The following SPTAN1 variants were observed in gnomAD, a reference collection of about 807,000 sequenced individuals.
SPTAN1 encodes spectrin alpha, non-erythrocytic 1.
A neutral mutation model predicts 331.3 loss-of-function variants in SPTAN1; 61 were observed. The observed-to-expected ratio is 0.18, with a 90% CI of 0.15 to 0.23. The LOEUF is 0.23. SPTAN1 is among the 10% of genes least tolerant of loss of function. The pLI is 1.00. For missense variants in SPTAN1, 2,043 were observed against 3,147.9 expected (o/e 0.65, Z 8.40); for synonymous variants, 1,153 against 1,173.9 (o/e 0.98, Z 0.36).
Position 128,594,263 on chromosome 9 carries a change from G to A in SPTAN1, c.3304G>A (p.Glu1102Lys). ...KKFMLFREAN[E>K]LQQWINEKEA... is the part of the protein sequence containing the mutation. ...GTTTATGTTGTTCCGTGAAGCGAATGAACTACAGCAATGGATCAATGAGAA... is the reference window on the plus strand; with the variant it reads ...GTTTATGTTGTTCCGTGAAGCGAATAAACTACAGCAATGGATCAATGAGAA... Residue 1102 changes from glutamate to lysine, a missense_variant, in exon 24 of 57, where the codon GAA (glutamate) becomes AAA (lysine). This residue lies in a region of SPTAN1 where 1,038 missense variants were observed against 1,531.5 expected (regional missense o/e 0.68). Coordinates refer to ENST00000372739, the MANE Select transcript of SPTAN1 (RefSeq NM_001130438.3). The A allele has an allele frequency of 6.2e-7, 1 of 1,614,088 alleles. No individual in the cohort carries two copies. Among genetic ancestry groups the A allele is most frequent in the Non-Finnish European group, 8.5e-7 (1 of 1,180,026 alleles).
chr9:128,602,512 C>T (rs1241657495), intron 27 of SPTAN1, among the ~76,000 whole-genome samples: 1 of 147,056 alleles, frequency 6.8e-6, no homozygotes, highest in African/African-American at 2.5e-5. Context: ...CCATCATGCC[C>T]TTCCTCTTGT....
chr9:128,553,697 G>A (rs1848365879), intron 1 of SPTAN1, among the ~76,000 whole-genome samples: 1 of 152,218 alleles, frequency 6.6e-6, no homozygotes, highest in Non-Finnish European at 1.5e-5. Context: ...TGCTTGAACT[G>A]TTCCAACATC....
chr9:128,566,800 G>A lies in SPTAN1; in HGVS notation c.60G>A (p.Gln20=). ...ETAEDIQERR[Q]QVLDRYHRFK... ...CAGAGGACATCCAGGAGAGGCGGCA[G>A]CAGGTCCTAGACCGATACCACCGCT... Residue 20 remains glutamine (Q), a synonymous_variant, in exon 2 of 57, where the codon CAG becomes CAA. Transcript: ENST00000372739. The A allele has an allele frequency of 6.2e-6, 10 of 1,614,232 alleles. No homozygotes were observed. The highest frequency in any genetic ancestry group is 8.5e-6 in the Non-Finnish European group (10 of 1,180,044).
chr9:128,555,940 G>T (rs1042904329), intron 1 of SPTAN1, among the ~76,000 whole-genome samples: 3 of 151,802 alleles, frequency 2.0e-5, no homozygotes, highest in Non-Finnish European at 2.9e-5. Flanking sequence ...ATAGCTCTCG[G>T]GCTGGGTGCG....
At chr9:128,585,486 T>G (rs1852481484) in intron 18 of SPTAN1, among the ~76,000 whole-genome samples, 1 of 152,172 alleles carries the variant, frequency 6.6e-6, no homozygotes, top group South Asian at 2.1e-4. Flanking sequence ...TACTAGTCTT[T>G]ATGATACTAT....
At position 128,627,830 on chromosome 9, in the gene SPTAN1, T is replaced by C; in HGVS notation, c.6690-95T>C. 6.7e-7 allele frequency: 1 copy of C among 1,488,568 alleles called. No individual in the cohort carries two copies. Among genetic ancestry groups the C allele is most frequent in the Non-Finnish European group, 9.4e-7 (1 of 1,065,788 alleles). 92.2% of individuals were successfully genotyped at this position (1,488,568 alleles called of 1,614,324 possible). On this transcript the variant is annotated intron_variant, in intron 50 of 56. Transcript: ENST00000372739. This position sits in a 1 kb window ranked among gnomAD's most constrained non-coding sequence, Gnocchi z 4.9. ...GGTACTGATGTTCTTGCTTTTGTTTTCCTTTCTTTCTTGTGTCTTCTCTCT... is the reference window on the plus strand; with the variant it reads ...GGTACTGATGTTCTTGCTTTTGTTTCCCTTTCTTTCTTGTGTCTTCTCTCT...
chr9:128,560,741 C>A (rs374241065), intron 1 of SPTAN1, among the ~76,000 whole-genome samples: 14 of 151,788 alleles, frequency 9.2e-5, no homozygotes, highest in East Asian at 3.9e-4. Context: ...GAGTGAAGGC[C>A]GGGTGCTGTG....
In SPTAN1 at chr9:128,582,838, G is replaced by A; in HGVS notation, c.1795G>A (p.Glu599Lys). Reference protein sequence around the residue: ...VNEKMKTATDEAYKDPSNLQG... With the variant: ...VNEKMKTATDKAYKDPSNLQG... ...TGAGAAGATGAAAACTGCCACAGAT[G>A]AAGCTTATAAAGTAATGTACTGTTA... The change falls in exon 14 of 57, where the codon GAA becomes AAA. Residue 599 changes from glutamate to lysine, a missense_variant. This residue lies in a region of SPTAN1 where 1,038 missense variants were observed against 1,531.5 expected (regional missense o/e 0.68). Coordinates refer to ENST00000372739, the MANE Select transcript of SPTAN1 (RefSeq NM_001130438.3). The A allele has an allele frequency of 6.2e-7, 1 of 1,612,980 alleles. No individual in the cohort carries two copies. Among genetic ancestry groups the A allele is most frequent in the Non-Finnish European group, 8.5e-7 (1 of 1,180,030 alleles).
intron 1 of SPTAN1, among the ~76,000 whole-genome samples, chr9:128,558,722 A>G (rs1224481883): frequency 6.6e-6 from 1 of 152,172 alleles, no homozygotes; most frequent in South Asian, 2.1e-4. Flanking sequence ...TCTGCTGCAT[A>G]TGCCAGGGAA....
In SPTAN1 at chr9:128,584,403, C is replaced by G; in HGVS notation, c.2315C>G (p.Pro772Arg). The G allele has an allele frequency of 6.2e-7, 1 of 1,614,102 alleles. No homozygotes were observed. The highest frequency in any genetic ancestry group is 8.5e-7 in the Non-Finnish European group (1 of 1,180,032). Residue 772 changes from proline to arginine, a missense_variant, in exon 17 of 57, where the codon CCC becomes CGC. By Grantham distance (103) the Pro-to-Arg change is moderately radical (BLOSUM62 -2). Transcript: ENST00000372739. ...GCTCGCTATGAGGCACTCAAGGAGC[C>G]CATGGTTGCCCGGAAGCAGAAGCTG... Reference protein sequence around the residue: ...LVARYEALKEPMVARKQKLAD... With the variant: ...LVARYEALKERMVARKQKLAD...
At chr9:128,589,876 A>G (rs1853244302) in intron 21 of SPTAN1, among the ~76,000 whole-genome samples, 1 of 152,134 alleles carries the variant, frequency 6.6e-6, no homozygotes, top group African/African-American at 2.4e-5. Flanking sequence ...CGCCTGGCCG[A>G]CCTGTTGGTT....
intron 31 of SPTAN1, 117 bp downstream of exon 31, chr9:128,605,594 A>G (rs1855725383): frequency 5.1e-6 from 7 of 1,375,922 alleles, no homozygotes; most frequent in East Asian, 5.0e-5. Context: ...CTATAATCCA[A>G]GCACTTTGGG....
intron 27 of SPTAN1, among the ~76,000 whole-genome samples, chr9:128,602,321 A>G (rs1051895188): frequency 4.0e-5 from 6 of 151,016 alleles, no homozygotes; most frequent in African/African-American, 1.2e-4. Flanking sequence ...GGTTCAAGCA[A>G]TTCTCCCACC....
intron 41 of SPTAN1, 62 bp from the exon 42 acceptor site, chr9:128,617,577 TG>T (rs1219660978): frequency 1.2e-6 from 2 of 1,610,378 alleles, no homozygotes; most frequent in African/African-American, 2.7e-5. Flanking sequence ...GTTGACCTGA[TG>T]TCCCCACTTG....
chr9:128,615,666 G>A lies in SPTAN1; in HGVS notation c.5183G>A (p.Ser1728Asn), dbSNP rs1857076736. The A allele has an allele frequency of 1.2e-6, 2 of 1,614,054 alleles. No individual in the cohort carries two copies. Among genetic ancestry groups the A allele is most frequent in the Non-Finnish European group, 1.7e-6 (2 of 1,180,048 alleles). Residue 1728 changes from serine (S) to asparagine (N), a missense_variant, in exon 41 of 57, where the codon AGC becomes AAC. Coordinates refer to ENST00000372739, the MANE Select transcript of SPTAN1 (RefSeq NM_001130438.3). Reference sequence around the variant, plus strand: ...AAGGACCTGAACAGCCAGGCAGACAGCCTGATGACCAGCAGTGCCTTCGAC... The same window carrying A: ...AAGGACCTGAACAGCCAGGCAGACAACCTGATGACCAGCAGTGCCTTCGAC... ...RLKDLNSQADSLMTSSAFDTS... is the reference protein window; with the variant it reads ...RLKDLNSQADNLMTSSAFDTS...
rs1850083287 is a variant in SPTAN1 at position 128,566,738 on chromosome 9, A to G, written c.-3A>G. On this transcript the variant is annotated splice_region_variant and 5_prime_UTR_variant, in exon 2 of 57. Coordinates refer to ENST00000372739, the MANE Select transcript of SPTAN1 (RefSeq NM_001130438.3). ...ATCTCAGCGCATTTTGTCATTTCAG[A>G]AAATGGACCCAAGTGGGGTCAAAGT... is the stretch of plus-strand genomic sequence containing the variant. The G allele has an allele frequency of 6.2e-7, 1 of 1,614,018 alleles. No homozygotes were observed. Among genetic ancestry groups the G allele is most frequent in the Non-Finnish European group, 8.5e-7 (1 of 1,180,022 alleles).
At chr9:128,555,336 C>A in intron 1 of SPTAN1, 1 of 1,288,014 alleles carries the variant, frequency 7.8e-7, no homozygotes, top group Non-Finnish European at 1.0e-6. Flanking sequence ...TGCTCTTCCC[C>A]CTCCCTCTTT....
chr9:128,600,762 G>C (rs1191613509), intron 27 of SPTAN1, among the ~76,000 whole-genome samples: 1 of 147,926 alleles, frequency 6.8e-6, no homozygotes, highest in African/African-American at 2.5e-5. Flanking sequence ...TCCCCAGTTC[G>C]AGCAATTCTC....
At chr9:128,589,575 C>CT (rs57225212) in intron 21 of SPTAN1, among the ~76,000 whole-genome samples, 3 of 106,500 alleles carry the variant, frequency 2.8e-5, no homozygotes, top group African/African-American at 1.1e-4. Context: ...CGTGCCCGGC[C>CT]TTTTTTTTTT....
Sources: allele counts gnomAD v4.1 joint callset (sites outside exome capture counted in the v4.1 genomes callset), GRCh38; gene constraint gnomAD v4.1.1; regional missense constraint gnomAD v4.1.1; non-coding constraint Gnocchi (gnomAD v3.1); transcripts MANE v1.5; gene names NCBI Gene and HGNC (gene_info 2026-07-23, HGNC 2026-07-21).